Variants in AIG1 observed in about 807,000 individuals in gnomAD.
AIG1 encodes the protein androgen induced 1, also known as androgen-induced gene 1 protein.
Under a neutral mutation model 31.4 loss-of-function variants are expected in AIG1, and 23 were observed. The ratio of observed to expected loss-of-function variants is 0.73; its 90% CI spans 0.53 to 1.04. The LOEUF (loss-of-function observed/expected upper bound fraction) is 1.04, where lower values mean the gene tolerates loss of function less well. Ranked by LOEUF, AIG1 falls within the 50% of genes least tolerant of loss-of-function variation. AIG1 has a pLI of 0.00. For synonymous variants in AIG1, 100 were observed against 110.5 expected (o/e 0.90, Z 0.60); for missense variants, 274 against 295.0 (o/e 0.93, Z 0.52).
chr6:143,317,658 A>T (rs1277001183), intron 4 of AIG1, among the ~76,000 whole-genome samples: 1 of 152,132 alleles, frequency 6.6e-6, no homozygotes, highest in Non-Finnish European at 1.5e-5. Flanking sequence ...TAGCAAGAGC[A>T]ATCAGAAATA....
rs978001730 is a variant in AIG1, at chr6:143,340,037, A to C, written c.*361A>C. ...GCACTTCTTTTTGAGAAATATGTTA[A>C]AGTCAAAGGGGCATATATAGAGTAA... On this transcript the variant is annotated 3_prime_UTR_variant, in exon 6 of 6. Transcript: ENST00000357847. 5.3e-6 allele frequency: 1 copy of C among 187,770 alleles called. No homozygotes were observed. Among genetic ancestry groups the C allele is most frequent in the African/African-American group, 2.4e-5 (1 of 41,974 alleles). 11.6% of individuals were successfully genotyped at this position (187,770 alleles called of 1,614,324 possible).
At chr6:143,235,391 G>A (rs139576172) in intron 3 of AIG1, among the ~76,000 whole-genome samples, 7 of 152,228 alleles carry the variant, frequency 4.6e-5, no homozygotes, top group East Asian at 3.9e-4. Context: ...ATACCTTTTC[G>A]CTTTGTGGCA....
In AIG1 at chr6:143,274,577, T is replaced by A. The variant is rs115428752; in HGVS notation, c.400-9533T>A. Among the ~76,000 whole-genome samples, 1,094 of 152,336 alleles carry A rather than the reference T, an allele frequency of 7.2e-3. 7 individuals carry two copies. The highest frequency in any genetic ancestry group is 0.025 in the African/African-American group (1,034 of 41,562). On this transcript the variant is annotated intron_variant, in intron 3 of 5. Coordinates refer to ENST00000357847, the MANE Select transcript of AIG1 (RefSeq NM_016108.4). ...AGATCTTTTCCAAGGTGAGAGACTT[T>A]AAATTTTTATTCACCTAATTGAGAC...
At chr6:143,219,659 C>A (rs1792317951) in intron 3 of AIG1, among the ~76,000 whole-genome samples, 1 of 152,210 alleles carries the variant, frequency 6.6e-6, no homozygotes, top group South Asian at 2.1e-4. Flanking sequence ...CTCTCTCTTC[C>A]ACTACTCAGG....
upstream of AIG1, among the ~76,000 whole-genome samples, chr6:143,059,232 T>C (rs965350952): frequency 2.0e-5 from 3 of 152,186 alleles, no homozygotes; most frequent in African/African-American, 7.2e-5. Context: ...TCCAGTCCCC[T>C]TTCATGCTGT....
chr6:143,100,882 A>C (rs1454021139), intron 1 of AIG1, among the ~76,000 whole-genome samples: 1 of 151,934 alleles, frequency 6.6e-6, no homozygotes, highest in Non-Finnish European at 1.5e-5. Context: ...ATGGGGTTTC[A>C]CCATGTTGGC....
chr6:143,103,657 GC>G, intron 1 of AIG1, among the ~76,000 whole-genome samples: 1 of 151,354 alleles, frequency 6.6e-6, no homozygotes, highest in South Asian at 2.1e-4. Flanking sequence ...ACAGGCGCCC[GC>G]CACTACGCCC....
intron 3 of AIG1, among the ~76,000 whole-genome samples, chr6:143,271,275 C>T (rs1013532820): frequency 6.6e-6 from 1 of 152,202 alleles, no homozygotes; most frequent in Non-Finnish European, 1.5e-5. Flanking sequence ...TCAATAACCC[C>T]TTGGAGATGA....
chr6:143,241,507 G>T (rs552401406), intron 3 of AIG1, among the ~76,000 whole-genome samples: 5 of 151,884 alleles, frequency 3.3e-5, no homozygotes, highest in Non-Finnish European at 7.4e-5. Flanking sequence ...TTTCCATGCC[G>T]CTCTACTGTT....
At chr6:143,131,493 C>T (rs1055743659) in intron 1 of AIG1, among the ~76,000 whole-genome samples, 1 of 152,072 alleles carries the variant, frequency 6.6e-6, no homozygotes, top group East Asian at 1.9e-4. Flanking sequence ...CTTTTTCAAG[C>T]CAATGAGAGA....
intron 3 of AIG1, among the ~76,000 whole-genome samples, chr6:143,250,978 C>G (rs753454817): frequency 6.6e-6 from 1 of 152,152 alleles, no homozygotes; most frequent in Non-Finnish European, 1.5e-5. Flanking sequence ...CCCCTGGAGA[C>G]TTCGGAGGGA....
At chr6:143,101,968 A>G (rs1420936075) in intron 1 of AIG1, among the ~76,000 whole-genome samples, 1 of 152,158 alleles carries the variant, frequency 6.6e-6, no homozygotes, top group Non-Finnish European at 1.5e-5. Context: ...AGTATTTTTC[A>G]AAGATTTCCC....
At chr6:143,173,524 G>A (rs549381855) in intron 3 of AIG1, among the ~76,000 whole-genome samples, 4 of 152,184 alleles carry the variant, frequency 2.6e-5, no homozygotes, top group Non-Finnish European at 4.4e-5. Context: ...GGCATTTAAT[G>A]CTATGAACTT....
At chr6:143,075,941 C>T (rs1777692133) in intron 1 of AIG1, among the ~76,000 whole-genome samples, 1 of 152,086 alleles carries the variant, frequency 6.6e-6, no homozygotes, top group Non-Finnish European at 1.5e-5. Context: ...TCATTGTTTG[C>T]ATGATTTCAG....
intron 1 of AIG1, among the ~76,000 whole-genome samples, chr6:143,064,998 C>T (rs982487114): frequency 5.9e-5 from 9 of 152,238 alleles, no homozygotes; most frequent in Non-Finnish European, 8.8e-5. Flanking sequence ...TTATTGTTAG[C>T]AGAGAAGGGG....
At chr6:143,103,162 A>G (rs1780457661) in intron 1 of AIG1, among the ~76,000 whole-genome samples, 1 of 152,224 alleles carries the variant, frequency 6.6e-6, no homozygotes, top group Non-Finnish European at 1.5e-5. Context: ...TAGTAATACA[A>G]TGACAAGTAA....
chr6:143,177,167 A>G (rs747702955), intron 3 of AIG1, among the ~76,000 whole-genome samples: 26 of 152,160 alleles, frequency 1.7e-4, no homozygotes, highest in Non-Finnish European at 1.6e-4. Flanking sequence ...AATGATATCT[A>G]TTTTTAAAAA....
chr6:143,079,028 T>C (rs1777977087), intron 1 of AIG1, among the ~76,000 whole-genome samples: 1 of 152,176 alleles, frequency 6.6e-6, no homozygotes, highest in Admixed American at 6.5e-5. Context: ...TAGCCTCTTA[T>C]GATGTCATGC....
chr6:143,297,062 A>G lies in AIG1; in HGVS notation c.515+12837A>G, dbSNP rs1187961327. 6.6e-6 allele frequency among the ~76,000 whole-genome samples: 1 copy of G among 151,952 alleles called. No homozygotes were observed. The highest frequency in any genetic ancestry group is 1.9e-4 in the East Asian group (1 of 5,146). Reference sequence around the variant, plus strand: ...GAAGGATACAGGGAACTAAAAAGCAATAGTCATCCAGTTGATAACTGCTAT... The same window carrying G: ...GAAGGATACAGGGAACTAAAAAGCAGTAGTCATCCAGTTGATAACTGCTAT... On this transcript the variant is annotated intron_variant, in intron 4 of 5. Coordinates refer to ENST00000357847, the MANE Select transcript of AIG1 (RefSeq NM_016108.4). The surrounding 1 kb of genome is among the most constrained non-coding windows in gnomAD (Gnocchi z 5.1).
Sources: gnomAD v4.1 joint callset for allele counts (sites outside exome capture counted in the v4.1 genomes callset) on GRCh38, gnomAD v4.1.1 for gene constraint, Gnocchi (gnomAD v3.1) non-coding constraint, MANE v1.5 for transcripts, NCBI Gene and HGNC (gene_info 2026-07-23, HGNC 2026-07-21) for gene names.